Variants in PLEKHA7 observed in about 807,000 individuals in gnomAD.
PLEKHA7 encodes pleckstrin homology domain containing A7.
In PLEKHA7, 104 loss-of-function variants were observed where a neutral mutation model predicts 170.0. The observed-to-expected ratio is 0.61, with a 90% CI of 0.52 to 0.72. The LOEUF (loss-of-function observed/expected upper bound fraction) is 0.72, where lower values mean the gene tolerates loss of function less well. Ranked by LOEUF, PLEKHA7 falls within the 30% of genes least tolerant of loss-of-function variation. The probability of loss-of-function intolerance (pLI) is 0.00; values close to 1 mark genes in which losing one functional copy is unlikely to be tolerated. For missense variants in PLEKHA7, 1,615 were observed against 1,671.7 expected, an observed-to-expected ratio of 0.97 and a Z score of 0.59; for synonymous variants, 648 against 660.8, an observed-to-expected ratio of 0.98 and a Z score of 0.30.
chr11:16,843,008 T>C (rs765945843), intron 8 of PLEKHA7, among the ~76,000 whole-genome samples: 4 of 152,270 alleles, frequency 2.6e-5, no homozygotes, highest in Non-Finnish European at 4.4e-5. Flanking sequence ...ATTTGTTTAT[T>C]ACCTGCTTAT....
At chr11:16,850,927 G>A (rs1035200593) in intron 8 of PLEKHA7, among the ~76,000 whole-genome samples, 1 of 152,156 alleles carries the variant, frequency 6.6e-6, no homozygotes, top group Non-Finnish European at 1.5e-5. Flanking sequence ...GAAGGGCTTC[G>A]ACAGGTAACC....
intron 8 of PLEKHA7, among the ~76,000 whole-genome samples, chr11:16,842,988 T>A (rs1274109390): frequency 6.6e-6 from 1 of 152,260 alleles, no homozygotes; most frequent in Non-Finnish European, 1.5e-5. Flanking sequence ...TGATGCTATT[T>A]ATTTTACACA....
At chr11:16,865,825 A>G (rs1854344505) in intron 4 of PLEKHA7, among the ~76,000 whole-genome samples, 1 of 152,128 alleles carries the variant, frequency 6.6e-6, no homozygotes, top group Non-Finnish European at 1.5e-5. Context: ...AGTGCTGTCC[A>G]ACAAATACTT....
Position 16,794,628 on chromosome 11 carries a change from G to A in PLEKHA7, c.2605C>T (p.Pro869Ser). Reference sequence around the variant, plus strand: ...AGAGGGGTCCGCACAGGGCTGGTGGGAGGACTGGGCTGTGGGGGCGGCTTG... The same window carrying A: ...AGAGGGGTCCGCACAGGGCTGGTGGAAGGACTGGGCTGTGGGGGCGGCTTG... Reference protein sequence around the residue: ...ESKPPPQPSPPTSPVRTPLEV... With the variant: ...ESKPPPQPSPSTSPVRTPLEV... The change falls in exon 19 of 27, where the codon CCC (proline) becomes TCC (serine). Residue 869 changes from proline to serine, a missense_variant. Coordinates refer to ENST00000531066, the MANE Select transcript of PLEKHA7 (RefSeq NM_001329630.2). The A allele has an allele frequency of 6.2e-7, 1 of 1,613,958 alleles. No homozygotes were observed. The highest frequency in any genetic ancestry group is 8.5e-7 in the Non-Finnish European group (1 of 1,179,938).
chr11:16,823,346 ACC>A (rs1850390189), intron 10 of PLEKHA7, among the ~76,000 whole-genome samples: 1 of 152,072 alleles, frequency 6.6e-6, no homozygotes, highest in African/African-American at 2.4e-5. Flanking sequence ...CCTTGACCTC[ACC>A]CCAGATCAAC....
At chr11:16,954,670 A>T (rs553391257) in intron 3 of PLEKHA7, among the ~76,000 whole-genome samples, 15 of 152,030 alleles carry the variant, frequency 9.9e-5, no homozygotes, top group African/African-American at 3.6e-4. Context: ...TATTAACGAC[A>T]TACTTTACAG....
intron 3 of PLEKHA7, among the ~76,000 whole-genome samples, chr11:16,936,401 C>CAAAAAA (rs57104068): frequency 0.057 from 3,848 of 67,778 alleles, 684 homozygotes; most frequent in East Asian, 0.11. Flanking sequence ...GACTCTGTCT[C>CAAAAAA]AAAAAAAAAA....
At chr11:16,929,597 CT>C (rs1859784382) in intron 3 of PLEKHA7, among the ~76,000 whole-genome samples, 1 of 152,230 alleles carries the variant, frequency 6.6e-6, no homozygotes, top group Non-Finnish European at 1.5e-5. Context: ...GCCTCCCCCG[CT>C]TCTTGGTAAA....
At chr11:16,892,357 T>C (rs1856676687) in intron 3 of PLEKHA7, among the ~76,000 whole-genome samples, 1 of 152,002 alleles carries the variant, frequency 6.6e-6, no homozygotes, top group South Asian at 2.1e-4. Flanking sequence ...CCCAGAAGCC[T>C]AGCAGCAAGA....
At chr11:16,848,185 G>C (rs181514708) in intron 8 of PLEKHA7, among the ~76,000 whole-genome samples, 9 of 152,352 alleles carry the variant, frequency 5.9e-5, no homozygotes, top group Admixed American at 5.9e-4. Context: ...CTTTCTTGTT[G>C]TCTTCTCATC....
At chr11:16,899,602 A>G (rs1857202512) in intron 3 of PLEKHA7, among the ~76,000 whole-genome samples, 1 of 152,192 alleles carries the variant, frequency 6.6e-6, no homozygotes. Flanking sequence ...CTGCCAACTC[A>G]GTGTAGGAAT....
intron 3 of PLEKHA7, among the ~76,000 whole-genome samples, chr11:16,883,020 G>T (rs977800469): frequency 2.0e-5 from 3 of 152,050 alleles, no homozygotes; most frequent in Non-Finnish European, 4.4e-5. Context: ...GAGGCCCAAA[G>T]GAGTCAAGGG....
At chr11:16,808,287 C>T (rs1399674538) in intron 13 of PLEKHA7, among the ~76,000 whole-genome samples, 1 of 152,208 alleles carries the variant, frequency 6.6e-6, no homozygotes, top group Admixed American at 6.5e-5. Context: ...ATTTTTAAAA[C>T]TCCCCAACAG....
At chr11:16,855,708 A>G (rs1002895603) in intron 5 of PLEKHA7, 95 bp downstream of exon 5, 8 of 953,248 alleles carry the variant, frequency 8.4e-6, no homozygotes, top group Non-Finnish European at 1.3e-5. Context: ...TCTCTCTCAC[A>G]AAACTATAGT....
intron 3 of PLEKHA7, among the ~76,000 whole-genome samples, chr11:17,007,641 T>A (rs560019492): frequency 1.5e-3 from 232 of 150,302 alleles, no homozygotes; most frequent in African/African-American, 5.6e-3. Flanking sequence ...TGGCGTGAGC[T>A]CAGTTCACGG....
intron 21 of PLEKHA7, chr11:16,790,172 G>A (rs949132817): frequency 3.8e-5 from 16 of 425,548 alleles, no homozygotes; most frequent in African/African-American, 1.8e-4. Flanking sequence ...AAAGGCTGGC[G>A]GGGCAGGAAT....
intron 17 of PLEKHA7, among the ~76,000 whole-genome samples, chr11:16,800,758 G>A (rs1848540843): frequency 6.6e-6 from 1 of 152,130 alleles, no homozygotes; most frequent in African/African-American, 2.4e-5. Context: ...AAGGCAAGGG[G>A]AATGGGGTGA....
intron 3 of PLEKHA7, among the ~76,000 whole-genome samples, chr11:16,888,494 A>T (rs879557846): frequency 4.8e-4 from 73 of 152,404 alleles, no homozygotes; most frequent in Non-Finnish European, 9.0e-4. Context: ...TTTGTTCTGT[A>T]CTAAGAAAAA....
intron 11 of PLEKHA7, among the ~76,000 whole-genome samples, chr11:16,816,515 G>A (rs1849767398): frequency 6.6e-6 from 1 of 152,200 alleles, no homozygotes; most frequent in African/African-American, 2.4e-5. Flanking sequence ...ATGCAAGGAA[G>A]CTGACTTGTA....
Sources: allele counts gnomAD v4.1 joint callset (sites outside exome capture counted in the v4.1 genomes callset), GRCh38; gene constraint gnomAD v4.1.1; transcripts MANE v1.5; gene names NCBI Gene and HGNC (gene_info 2026-07-23, HGNC 2026-07-21).